The following ATG10 variants were observed in gnomAD, a reference collection of about 807,000 sequenced individuals.
ATG10 encodes the protein ubiquitin-like-conjugating enzyme ATG10.
In ATG10, 30 loss-of-function variants were observed where a neutral mutation model predicts 32.1. The observed-to-expected ratio is 0.94, with a 90% confidence interval of 0.70 to 1.27. The LOEUF is 1.27. Ranked by LOEUF, ATG10 falls within the 50% of genes most tolerant of loss-of-function variation. The pLI is 0.00. For synonymous variants in ATG10, 87 were observed against 91.5 expected, an observed-to-expected ratio of 0.95 and a Z score of 0.28; for missense variants, 233 against 262.3, an observed-to-expected ratio of 0.89 and a Z score of 0.77.
intron 2 of ATG10, among the ~76,000 whole-genome samples, chr5:82,023,194 G>T (rs1240024100): frequency 6.6e-6 from 1 of 151,790 alleles, no homozygotes; most frequent in Non-Finnish European, 1.5e-5. Flanking sequence ...AAGGAAAAAA[G>T]AATACTTTTA....
At chr5:82,010,171 G>T in intron 2 of ATG10, 2 of 1,237,270 alleles carry the variant, frequency 1.6e-6, no homozygotes, top group South Asian at 1.3e-5. Flanking sequence ...CAAGGTCTTG[G>T]AGAATGTTTC....
intron 2 of ATG10, among the ~76,000 whole-genome samples, chr5:81,995,026 T>C (rs1288370258): frequency 6.6e-6 from 1 of 152,212 alleles, no homozygotes; most frequent in Non-Finnish European, 1.5e-5. Flanking sequence ...AGATCTGCTT[T>C]CTGTTCTAGA....
intron 2 of ATG10, chr5:81,992,363 C>T (rs1761489457): frequency 6.6e-6 from 1 of 151,728 alleles, no homozygotes; most frequent in African/African-American, 2.4e-5. Context: ...ACTTTGGCAC[C>T]ATCCATTTTA....
At chr5:82,042,038 A>G (rs1043380378) in intron 2 of ATG10, among the ~76,000 whole-genome samples, 2 of 152,090 alleles carry the variant, frequency 1.3e-5, no homozygotes, top group South Asian at 4.1e-4. Context: ...TATTTATGAT[A>G]GCTATTTTCA....
intron 3 of ATG10, among the ~76,000 whole-genome samples, chr5:82,097,735 A>G (rs941025411): frequency 6.6e-6 from 1 of 152,146 alleles, no homozygotes; most frequent in Non-Finnish European, 1.5e-5. Flanking sequence ...AATGTTTTTA[A>G]CTATTGTTTG....
intron 2 of ATG10, among the ~76,000 whole-genome samples, chr5:82,022,589 C>T (rs911797341): frequency 6.7e-6 from 1 of 148,948 alleles, no homozygotes; most frequent in African/African-American, 2.5e-5. Context: ...TCCCAAAGTG[C>T]TGGGATTACA....
intron 2 of ATG10, among the ~76,000 whole-genome samples, chr5:82,025,123 T>C (rs1762557571): frequency 6.6e-6 from 1 of 152,254 alleles, no homozygotes; most frequent in South Asian, 2.1e-4. Context: ...TTCTCAGTTT[T>C]ACCTCGGATA....
intron 3 of ATG10, among the ~76,000 whole-genome samples, chr5:82,139,450 C>T (rs1311133203): frequency 1.2e-4 from 16 of 135,658 alleles, no homozygotes; most frequent in Admixed American, 2.1e-4. Context: ...CGTCTCTGCC[C>T]GGCCGCCCAT....
At chr5:82,022,821 C>T (rs1182474285) in intron 2 of ATG10, among the ~76,000 whole-genome samples, 2 of 151,648 alleles carry the variant, frequency 1.3e-5, no homozygotes, top group Admixed American at 6.6e-5. Flanking sequence ...TATTTATGTT[C>T]GAGGCAGGGT....
intron 1 of ATG10, among the ~76,000 whole-genome samples, chr5:81,976,005 CTTT>C (rs568050352): frequency 7.0e-6 from 1 of 142,940 alleles, no homozygotes. Flanking sequence ...TTTATTTTAT[CTTT>C]TTTTTTTTTT....
At chr5:81,995,116 A>ATG (rs767591862) in intron 2 of ATG10, among the ~76,000 whole-genome samples, 13 of 151,498 alleles carry the variant, frequency 8.6e-5, no homozygotes, top group Admixed American at 3.9e-4. Flanking sequence ...CAGAAATTTC[A>ATG]TGTGTGTGTA....
chr5:82,106,791 A>G (rs183643138), intron 3 of ATG10, among the ~76,000 whole-genome samples: 4 of 151,090 alleles, frequency 2.6e-5, no homozygotes, highest in East Asian at 2.0e-4. Context: ...TGATTTTCCT[A>G]CCCCCTTCTA....
At chr5:81,988,214 G>A (rs1179219741) in intron 2 of ATG10, among the ~76,000 whole-genome samples, 2 of 152,178 alleles carry the variant, frequency 1.3e-5, no homozygotes, top group African/African-American at 4.8e-5. Context: ...TTGGCTCACT[G>A]CAACCTCTGC....
chr5:81,974,602 G>C (rs557214402), intron 1 of ATG10, among the ~76,000 whole-genome samples: 69 of 152,122 alleles, frequency 4.5e-4, no homozygotes, highest in African/African-American at 1.6e-3. Flanking sequence ...TGGGTTTTTT[G>C]GTTTCTTCTT....
chr5:82,203,870 A>C lies in ATG10; in HGVS notation c.453+25283A>C, dbSNP rs78747667. 6.4e-4 allele frequency among the ~76,000 whole-genome samples: 97 copies of C among 152,290 alleles called. No individual in the cohort carries two copies. In the East Asian group the frequency reaches 0.017, roughly 27 times the overall value. On this transcript the variant is annotated intron_variant, in intron 5 of 7. Transcript: ENST00000282185. ...GTTATCTTAAAAATGAAGTAAGATA[A>C]ATATTTAACACTTTTATTGCGGTCC...
chr5:82,143,503 G>T (rs1007407554), intron 3 of ATG10, among the ~76,000 whole-genome samples: 4 of 152,248 alleles, frequency 2.6e-5, no homozygotes, highest in African/African-American at 9.6e-5. Flanking sequence ...AGGAAGTCCA[G>T]ACTGAATGGA....
At chr5:82,157,757 G>A (rs767568304) in intron 3 of ATG10, among the ~76,000 whole-genome samples, 2 of 152,046 alleles carry the variant, frequency 1.3e-5, no homozygotes, top group African/African-American at 2.4e-5. Context: ...ATATTACATC[G>A]CATCTTTCCA....
At chr5:82,016,832 G>A (rs887428103) in intron 2 of ATG10, among the ~76,000 whole-genome samples, 1 of 151,982 alleles carries the variant, frequency 6.6e-6, no homozygotes, top group South Asian at 2.1e-4. Context: ...GGGACTGTAG[G>A]CGCCTGCCAC....
rs191179412 is a variant in ATG10 at position 82,255,282 on chromosome 5, T to G, written c.*1219T>G. ...ATGCATGATAAGATATTGTAAAGTATTATACGAATATTCATTAAATGCTCA... is the reference window on the plus strand; with the variant it reads ...ATGCATGATAAGATATTGTAAAGTAGTATACGAATATTCATTAAATGCTCA... On this transcript the variant is annotated 3_prime_UTR_variant, in exon 8 of 8. Coordinates refer to ENST00000282185, the MANE Select transcript of ATG10 (RefSeq NM_031482.5). 21 of 152,320 alleles carry G rather than the reference T, an allele frequency of 1.4e-4. No homozygotes were observed. Among genetic ancestry groups the G allele is most frequent in the African/African-American group, 4.8e-4 (20 of 41,580 alleles). The allele number at this position is 152,320 out of a possible 1,614,324, so 9.4% of individuals were successfully genotyped here.
Sources: gnomAD v4.1 joint callset for allele counts (sites outside exome capture counted in the v4.1 genomes callset) on GRCh38, gnomAD v4.1.1 for gene constraint, MANE v1.5 for transcripts, NCBI Gene and HGNC (gene_info 2026-07-23, HGNC 2026-07-21) for gene names.